GINS3: variants seen among roughly 807,000 people sequenced by gnomAD.
GINS3 encodes GINS complex subunit 3, also known as DNA replication complex GINS protein PSF3.
A neutral mutation model predicts 20.0 loss-of-function variants in GINS3; 18 were observed. That is an observed-to-expected ratio of 0.90 (90% CI 0.62 to 1.33). The LOEUF is 1.33. GINS3 is among the 40% of genes most tolerant of loss of function. The probability of loss-of-function intolerance (pLI) is 0.00; values close to 1 mark genes in which losing one functional copy is unlikely to be tolerated. For missense variants in GINS3, 254 were observed against 273.6 expected (o/e 0.93, Z 0.51); for synonymous variants, 109 against 107.0 (o/e 1.02, Z -0.12).
intron 1 of GINS3, 34 bp from the exon 2 acceptor site, chr16:58,403,064 C>G (rs1567537404): frequency 1.3e-6 from 2 of 1,546,740 alleles, no homozygotes; most frequent in South Asian, 2.2e-5. Flanking sequence ...TGTTACTTGT[C>G]TGTTTTTAAA....
chr16:58,404,513 T>C lies in GINS3; in HGVS notation c.435T>C (p.Arg145=), dbSNP rs1028575306. The C allele has an allele frequency of 2.5e-6, 4 of 1,613,972 alleles. No individual in the cohort carries two copies. Among genetic ancestry groups the C allele is most frequent in the Non-Finnish European group, 3.4e-6 (4 of 1,179,904 alleles). ...SQSLLQTFIG[R]FRRIMDSSQN... ...TTGTTTCCCAGACTTTTATCGGACG[T>C]TTTCGCCGCATCATGGACTCCTCAC... The change falls in exon 3 of 3, where the codon CGT becomes CGC. Residue 145 remains arginine, a synonymous_variant. Coordinates refer to ENST00000318129, the MANE Select transcript of GINS3 (RefSeq NM_022770.4).
At chr16:58,393,648 C>G (rs1414057287) in intron 1 of GINS3, 1 of 152,150 alleles carries the variant, frequency 6.6e-6, no homozygotes, top group Non-Finnish European at 1.5e-5. Context: ...CCAGACCATC[C>G]TGGCCAACAT....
intron 1 of GINS3, chr16:58,395,092 T>G: frequency 1.7e-6 from 1 of 582,108 alleles, no homozygotes; most frequent in East Asian, 3.1e-5. Flanking sequence ...TTTTTTTTTT[T>G]TTGAGACAGG....
intron 2 of GINS3, chr16:58,403,772 C>G (rs1207387018): frequency 5.7e-6 from 1 of 176,480 alleles, no homozygotes; most frequent in Non-Finnish European, 1.2e-5. Flanking sequence ...TGGTGCATTA[C>G]AGGTGACAGG....
intron 1 of GINS3, among the ~76,000 whole-genome samples, chr16:58,396,625 C>T (rs1281818456): frequency 5.1e-4 from 1 of 1,968 alleles, no homozygotes; most frequent in African/African-American, 1.7e-3. Flanking sequence ...CTGATCCCCC[C>T]ACCTCCCTTC....
chr16:58,404,432 TA>T, intron 2 of GINS3, 66 bp from the exon 3 acceptor site: 1 of 1,015,568 alleles, frequency 9.8e-7, no homozygotes, highest in Non-Finnish European at 1.5e-6. Flanking sequence ...TGTTCTGAGA[TA>T]AAAATGGATA....
At chr16:58,399,542 C>T (rs944081380) in intron 1 of GINS3, among the ~76,000 whole-genome samples, 69 of 152,034 alleles carry the variant, frequency 4.5e-4, no homozygotes, top group African/African-American at 1.6e-3. Flanking sequence ...TTTTATGCAG[C>T]ATATAGTTGG....
chr16:58,398,224 T>A (rs1567536033), intron 1 of GINS3, among the ~76,000 whole-genome samples: 1 of 152,212 alleles, frequency 6.6e-6, no homozygotes, highest in Non-Finnish European at 1.5e-5. Context: ...TAGCTATTCA[T>A]TTCTTTTAAG....
At chr16:58,394,952 G>A (rs1336361278) in intron 1 of GINS3, 1 of 376,560 alleles carries the variant, frequency 2.7e-6, no homozygotes, top group Non-Finnish European at 4.7e-6. Flanking sequence ...TTCTGCATGG[G>A]AGATTTGTGT....
intron 1 of GINS3, among the ~76,000 whole-genome samples, chr16:58,396,906 C>T (rs1965879614): frequency 6.7e-6 from 1 of 148,996 alleles, no homozygotes; most frequent in Non-Finnish European, 1.5e-5. Context: ...CCCCCACCTC[C>T]TTCCCGGACG....
At chr16:58,403,407 A>C (rs1965984295) in intron 2 of GINS3, 76 bp downstream of exon 2, 1 of 1,095,172 alleles carries the variant, frequency 9.1e-7, no homozygotes, top group African/African-American at 1.6e-5. Flanking sequence ...TTTACCCAGG[A>C]CAGTGTATGA....
rs1965980406 is a variant in GINS3, at chr16:58,403,213, G to A, written c.302G>A (p.Ser101Asn). 6.2e-7 allele frequency: 1 copy of A among 1,614,210 alleles called. No individual in the cohort carries two copies. Among genetic ancestry groups the A allele is most frequent in the Non-Finnish European group, 8.5e-7 (1 of 1,180,040 alleles). The change falls in exon 2 of 3, where the codon AGT becomes AAT. Residue 101 changes from serine to asparagine, a missense_variant. Ser to Asn is a conservative substitution (Grantham distance 46). Transcript: ENST00000318129. ...IYQEGWRTVF[S>N]ADPNVVDLHK... ...CAAGAGGGTTGGAGGACTGTGTTCA[G>A]TGCAGATCCCAATGTGGTGGACCTC...
chr16:58,404,279 A>G (rs1965997201), intron 2 of GINS3: 1 of 560,494 alleles, frequency 1.8e-6, no homozygotes, highest in Non-Finnish European at 3.2e-6. Context: ...TTTCTTAACA[A>G]CTTACTGGAT....
intron 1 of GINS3, among the ~76,000 whole-genome samples, chr16:58,395,913 CAGAGG>C (rs1410943852): frequency 6.6e-6 from 1 of 151,532 alleles, no homozygotes; most frequent in Non-Finnish European, 1.5e-5. Flanking sequence ...GGCGGCCGGG[CAGAGG>C]TGCCCCTCAC....
chr16:58,401,076 A>C (rs185203491), intron 1 of GINS3, among the ~76,000 whole-genome samples: 1 of 151,258 alleles, frequency 6.6e-6, no homozygotes, highest in Admixed American at 6.6e-5. Context: ...TGGCCTCCCA[A>C]ATTATTGGTG....
rs373300493 is a variant in GINS3, at chr16:58,395,587, C to G, written c.186+2800C>G. ...TTTAACAAAGCACATCTTGCACCAC[C>G]CTTAATCCATTCAACCCCTGAGTGG... On this transcript the variant is annotated intron_variant, in intron 1 of 2. Transcript: ENST00000318129. Among the ~76,000 whole-genome samples, 74 of 152,192 alleles carry G rather than the reference C, an allele frequency of 4.9e-4. 3 individuals carry two copies. In the South Asian group the frequency reaches 5.2e-3, roughly 11 times the overall value.
At chr16:58,397,597 G>A (rs1343055765) in intron 1 of GINS3, among the ~76,000 whole-genome samples, 1 of 152,162 alleles carries the variant, frequency 6.6e-6, no homozygotes, top group East Asian at 1.9e-4. Context: ...TCGCGGTTAG[G>A]AGCTGGAGAC....
intron 1 of GINS3, among the ~76,000 whole-genome samples, chr16:58,393,965 T>C (rs1478858852): frequency 3.3e-5 from 5 of 152,128 alleles, no homozygotes; most frequent in Non-Finnish European, 5.9e-5. Flanking sequence ...TCTTCAAGAT[T>C]CATCTTCATA....
intron 1 of GINS3, among the ~76,000 whole-genome samples, chr16:58,393,215 C>T (rs1965807144): frequency 1.3e-5 from 2 of 152,170 alleles, no homozygotes; most frequent in African/African-American, 4.8e-5. Context: ...CCCCAAGTTG[C>T]TAAATTCATT....
Sources: allele counts gnomAD v4.1 joint callset (sites outside exome capture counted in the v4.1 genomes callset), GRCh38; gene constraint gnomAD v4.1.1; transcripts MANE v1.5; gene names NCBI Gene and HGNC (gene_info 2026-07-23, HGNC 2026-07-21).